METAP1: variants seen among roughly 807,000 people sequenced by gnomAD.
The protein encoded by METAP1 is methionine aminopeptidase 1.
METAP1 carries 28 observed loss-of-function variants against 53.8 expected under a neutral mutation model. The ratio of observed to expected loss-of-function variants is 0.52; its 90% CI spans 0.39 to 0.71. The LOEUF is 0.71. Among genes scored for constraint, METAP1 ranks in the 30% least tolerant of loss-of-function variants. METAP1 has a pLI of 0.00. For synonymous variants in METAP1, 181 were observed against 165.7 expected, an observed-to-expected ratio of 1.09 and a Z score of -0.71; for missense variants, 389 against 479.8, an observed-to-expected ratio of 0.81 and a Z score of 1.77.
chr4:99,061,173 C>G lies in METAP1; in HGVS notation c.1017C>G (p.Thr339=), dbSNP rs753652866. ...MICEGGWQDE[T]WPDGWTAVTR... ...TTGAAGGCGGATGGCAGGATGAAACCTGGCCAGATGGTTGGACTGCGGTGA... is the reference window on the plus strand; with the variant it reads ...TTGAAGGCGGATGGCAGGATGAAACGTGGCCAGATGGTTGGACTGCGGTGA... The change falls in exon 11 of 11, where the codon ACC becomes ACG. Residue 339 remains threonine, a synonymous_variant. Coordinates refer to ENST00000296411, the MANE Select transcript of METAP1 (RefSeq NM_015143.3). The G allele has an allele frequency of 1.9e-6, 3 of 1,612,768 alleles. No individual in the cohort carries two copies. The highest frequency in any genetic ancestry group is 1.7e-6 in the Non-Finnish European group (2 of 1,179,400).
chr4:99,027,544 A>ACCCC (rs35716602), intron 1 of METAP1, among the ~76,000 whole-genome samples: 3 of 137,064 alleles, frequency 2.2e-5, no homozygotes, highest in African/African-American at 7.8e-5. Flanking sequence ...ACAAGAGGTC[A>ACCCC]CCCCCCCCCC....
At chr4:98,996,010 C>A in intron 1 of METAP1, 143 bp downstream of exon 1, 1 of 673,828 alleles carries the variant, frequency 1.5e-6, no homozygotes, top group Admixed American at 2.4e-5. Context: ...CCCCCACCCG[C>A]GTCGCCACCG....
intron 10 of METAP1, among the ~76,000 whole-genome samples, chr4:99,058,186 A>G (rs1294655982): frequency 1.3e-5 from 2 of 152,212 alleles, no homozygotes; most frequent in African/African-American, 4.8e-5. Flanking sequence ...CGAGCCACCC[A>G]GTTCGAGGCA....
chr4:99,053,123 A>G (rs1481024277), intron 9 of METAP1, among the ~76,000 whole-genome samples: 8 of 152,214 alleles, frequency 5.3e-5, no homozygotes, highest in South Asian at 2.1e-4. Flanking sequence ...CTAAGTTTCA[A>G]ACTCCTCATA....
chr4:99,031,451 CT>C (rs1725017368), intron 2 of METAP1: 4 of 1,282,992 alleles, frequency 3.1e-6, no homozygotes, highest in Non-Finnish European at 4.1e-6. Context: ...CTAAGTAATA[CT>C]TTTCCTTCCA....
intron 10 of METAP1, among the ~76,000 whole-genome samples, chr4:99,060,360 CTTTTTT>C (rs35135230): frequency 1.9e-5 from 2 of 103,646 alleles, no homozygotes; most frequent in Non-Finnish European, 3.7e-5. Flanking sequence ...TAAGCACATG[CTTTTTT>C]TTTTTTTTTT....
At chr4:99,045,034 A>C in intron 7 of METAP1, 145 bp from the exon 8 acceptor site, 1 of 757,524 alleles carries the variant, frequency 1.3e-6, no homozygotes, top group Non-Finnish European at 2.1e-6. Flanking sequence ...TCTGTTGGGC[A>C]ATAACTATCT....
At chr4:99,021,275 CT>C (rs1724090389) in intron 1 of METAP1, among the ~76,000 whole-genome samples, 1 of 152,224 alleles carries the variant, frequency 6.6e-6, no homozygotes, top group Admixed American at 6.5e-5. Context: ...CAAAGAAGTA[CT>C]TTGCCACCCT....
intron 9 of METAP1, among the ~76,000 whole-genome samples, chr4:99,056,716 C>T (rs1000643557): frequency 6.6e-5 from 10 of 151,854 alleles, no homozygotes; most frequent in Admixed American, 5.9e-4. Flanking sequence ...ACTACAGGCC[C>T]CCGCCACCAC....
intron 1 of METAP1, among the ~76,000 whole-genome samples, chr4:99,008,225 G>A (rs774221530): frequency 6.6e-6 from 1 of 152,150 alleles, no homozygotes; most frequent in East Asian, 1.9e-4. Context: ...GACATTCTCT[G>A]CAGGGAAAGG....
chr4:99,026,506 A>G (rs1724572346), intron 1 of METAP1: 1 of 985,300 alleles, frequency 1.0e-6, no homozygotes, highest in Non-Finnish European at 1.2e-6. Context: ...TAGGTAGGTC[A>G]GGTTATACAA....
chr4:99,041,852 T>A (rs765423849), intron 6 of METAP1, among the ~76,000 whole-genome samples: 3 of 149,510 alleles, frequency 2.0e-5, no homozygotes, highest in Non-Finnish European at 4.4e-5. Flanking sequence ...TTTGACAATC[T>A]ATCTTGAGCT....
chr4:99,018,836 A>G (rs1298310894), intron 1 of METAP1, among the ~76,000 whole-genome samples: 1 of 152,178 alleles, frequency 6.6e-6, no homozygotes, highest in African/African-American at 2.4e-5. Flanking sequence ...CCGGCCTTCC[A>G]GGGAGATCGG....
At chr4:99,012,649 A>G (rs1723536865) in intron 1 of METAP1, among the ~76,000 whole-genome samples, 1 of 142,648 alleles carries the variant, frequency 7.0e-6, no homozygotes, top group African/African-American at 2.6e-5. Flanking sequence ...TGTATCCCAT[A>G]AAGTTTTTTT....
chr4:99,029,261 G>A (rs1423494361), intron 2 of METAP1, among the ~76,000 whole-genome samples: 1 of 152,068 alleles, frequency 6.6e-6, no homozygotes, highest in African/African-American at 2.4e-5. Context: ...GAGTGATTTG[G>A]CTTCATTTAA....
At position 99,034,284 on chromosome 4, in the gene METAP1, A is replaced by G; in HGVS notation, c.221A>G (p.Asn74Ser). Residue 74 changes from asparagine (N) to serine (S), a missense_variant, in exon 3 of 11, where the codon AAT becomes AGT. Physicochemically the swap from Asn to Ser is conservative, Grantham distance 46. Transcript: ENST00000296411. ...TCCTGGACTGTGGAAGGTGATATTA[A>G]TACTGACCCATGGGCAGGTTATCGA... Reference protein sequence around the residue: ...VSSWTVEGDINTDPWAGYRYT... With the variant: ...VSSWTVEGDISTDPWAGYRYT... The G allele has an allele frequency of 5.2e-6, 8 of 1,550,796 alleles. No homozygotes were observed. The highest frequency in any genetic ancestry group is 6.1e-6 in the Non-Finnish European group (7 of 1,146,170).
At chr4:99,010,570 A>G (rs777932281) in intron 1 of METAP1, among the ~76,000 whole-genome samples, 5 of 152,144 alleles carry the variant, frequency 3.3e-5, no homozygotes, top group Admixed American at 1.3e-4. Flanking sequence ...CACCATTTTC[A>G]TTACTGTAGC....
rs188891147 is a variant in METAP1, at chr4:98,996,386, C to G, written c.114+519C>G. Among the ~76,000 whole-genome samples the G allele has an allele frequency of 3.2e-3, 495 of 152,330 alleles. 5 individuals are homozygous for G. The highest frequency in any genetic ancestry group is 0.011 in the African/African-American group (459 of 41,582). ...GCCGGGCTCTGAGAGATGGGTGGCC[C>G]GAGGACCGTCGGAGTCGCAGAGAGG... On this transcript the variant is annotated intron_variant, in intron 1 of 10. Transcript: ENST00000296411.
intron 10 of METAP1, among the ~76,000 whole-genome samples, chr4:99,060,464 T>C (rs111294979): frequency 0.035 from 5,211 of 149,154 alleles, 112 homozygotes; most frequent in African/African-American, 0.05. Context: ...CCCAGGTTCA[T>C]GCCATTCTTC....
Sources: gnomAD v4.1 joint callset for allele counts (sites outside exome capture counted in the v4.1 genomes callset) on GRCh38, gnomAD v4.1.1 for gene constraint, MANE v1.5 for transcripts, NCBI Gene and HGNC (gene_info 2026-07-23, HGNC 2026-07-21) for gene names.